The following SGCZ variants were observed in gnomAD, a reference collection of about 807,000 sequenced individuals.
SGCZ encodes the protein zeta-sarcoglycan.
Under a neutral mutation model 41.3 loss-of-function variants are expected in SGCZ, and 40 were observed. The observed-to-expected ratio is 0.97, with a 90% CI of 0.75 to 1.26. The LOEUF (loss-of-function observed/expected upper bound fraction) is 1.26. Ranked by LOEUF, SGCZ falls within the 50% of genes most tolerant of loss-of-function variation. SGCZ has a pLI of 0.00. For synonymous variants in SGCZ, 206 were observed against 137.5 expected (o/e 1.50, Z -3.49); for missense variants, 552 against 369.8 (o/e 1.49, Z -4.04).
chr8:15,057,802 T>A lies in SGCZ; in HGVS notation c.39+179783A>T, dbSNP rs186429235. Among the ~76,000 whole-genome samples, 6 of 152,320 alleles carry A rather than the reference T, an allele frequency of 3.9e-5. 1 individual carries two copies. Among genetic ancestry groups the A allele is most frequent in the East Asian group, 1.9e-4 (1 of 5,184 alleles). ...ATATTCAACTAAATGATTACAAATG[T>A]CCTTTCCAGCCCTAAAACGTTATGA... is the stretch of plus-strand genomic sequence containing the variant. On this transcript the variant is annotated intron_variant, in intron 1 of 7. Coordinates refer to ENST00000382080, the MANE Select transcript of SGCZ (RefSeq NM_139167.4).
At chr8:15,186,262 C>CAAAAAAAAAAAAA (rs61237091) in intron 1 of SGCZ, among the ~76,000 whole-genome samples, 31 of 80,710 alleles carry the variant, frequency 3.8e-4, no homozygotes, top group East Asian at 1.9e-3. Flanking sequence ...GATTCCGTAC[C>CAAAAAAAAAAAAA]AAAAAAAAAA....
intron 1 of SGCZ, among the ~76,000 whole-genome samples, chr8:14,612,157 G>T (rs1285887813): frequency 6.6e-6 from 1 of 152,068 alleles, no homozygotes; most frequent in Non-Finnish European, 1.5e-5. Flanking sequence ...AAAAGGTGTT[G>T]ATATGGTTTG....
At chr8:14,521,017 T>A (rs540733269) in intron 2 of SGCZ, among the ~76,000 whole-genome samples, 48 of 151,828 alleles carry the variant, frequency 3.2e-4, no homozygotes, top group South Asian at 1.9e-3. Flanking sequence ...TTATTTTAGA[T>A]TCCCATGCAG....
chr8:14,243,263 G>C (rs567324476), intron 3 of SGCZ, among the ~76,000 whole-genome samples: 1 of 152,238 alleles, frequency 6.6e-6, no homozygotes, highest in Non-Finnish European at 1.5e-5. Flanking sequence ...TCTTCTCAGG[G>C]ATGGAAATAT....
At chr8:14,865,670 T>A (rs2130690504) in intron 1 of SGCZ, among the ~76,000 whole-genome samples, 1 of 152,208 alleles carries the variant, frequency 6.6e-6, no homozygotes, top group African/African-American at 2.4e-5. Flanking sequence ...GGCCAACACA[T>A]CTGCATAAAG....
At chr8:15,025,497 T>A (rs1803421703) in intron 1 of SGCZ, among the ~76,000 whole-genome samples, 12 of 152,176 alleles carry the variant, frequency 7.9e-5, no homozygotes, top group Admixed American at 7.9e-4. Flanking sequence ...GTAAAGGTGA[T>A]AAAAGAGAGT....
intron 1 of SGCZ, among the ~76,000 whole-genome samples, chr8:14,776,389 G>A (rs1418413224): frequency 6.6e-6 from 1 of 151,968 alleles, no homozygotes; most frequent in South Asian, 2.1e-4. Context: ...ATGTAAGATG[G>A]GCCTTTGCTT....
chr8:14,258,684 T>C (rs1317799104), intron 3 of SGCZ, among the ~76,000 whole-genome samples: 1 of 152,182 alleles, frequency 6.6e-6, no homozygotes, highest in Non-Finnish European at 1.5e-5. Context: ...ACTGGATTAA[T>C]GTAATGGTCT....
intron 1 of SGCZ, among the ~76,000 whole-genome samples, chr8:15,065,415 A>AATTATTATTATTATT (rs200765691): frequency 2.9e-5 from 4 of 137,478 alleles, no homozygotes; most frequent in Non-Finnish European, 4.7e-5. Context: ...ATGGTATTGT[A>AATTATTATTATTATT]ATTATTATTA....
At chr8:14,316,495 C>A (rs1801718928) in intron 3 of SGCZ, among the ~76,000 whole-genome samples, 1 of 151,816 alleles carries the variant, frequency 6.6e-6, no homozygotes, top group Non-Finnish European at 1.5e-5. Flanking sequence ...TACATGATAA[C>A]AATTATGCCT....
At chr8:14,641,968 G>C (rs73521691) in intron 1 of SGCZ, among the ~76,000 whole-genome samples, 3 of 151,584 alleles carry the variant, frequency 2.0e-5, no homozygotes, top group African/African-American at 7.3e-5. Flanking sequence ...TCCTGAACAC[G>C]TATCTCTGCA....
At chr8:15,150,384 G>A (rs1356824447) in intron 1 of SGCZ, among the ~76,000 whole-genome samples, 1 of 152,128 alleles carries the variant, frequency 6.6e-6, no homozygotes, top group Non-Finnish European at 1.5e-5. Context: ...TTAATTAATT[G>A]ACCTCAGTTT....
chr8:14,679,521 CAT>C (rs1467306765), intron 1 of SGCZ, among the ~76,000 whole-genome samples: 2 of 148,356 alleles, frequency 1.3e-5, no homozygotes, highest in African/African-American at 2.5e-5. Context: ...TATATACACA[CAT>C]ATATGTGCTT....
At chr8:14,876,311 C>A in intron 1 of SGCZ, among the ~76,000 whole-genome samples, 1 of 152,080 alleles carries the variant, frequency 6.6e-6, no homozygotes, top group East Asian at 1.9e-4. Context: ...TAAATGAAAA[C>A]AACATAGCAT....
intron 1 of SGCZ, among the ~76,000 whole-genome samples, chr8:15,018,620 C>A (rs1803132523): frequency 6.6e-6 from 1 of 151,974 alleles, no homozygotes; most frequent in Admixed American, 6.6e-5. Flanking sequence ...AACTAGAGGG[C>A]TGGAATGCAG....
chr8:14,906,420 T>C (rs1344761755), intron 1 of SGCZ, among the ~76,000 whole-genome samples: 2 of 152,184 alleles, frequency 1.3e-5, no homozygotes, highest in African/African-American at 2.4e-5. Context: ...TCTGAACCAA[T>C]GGCTCTTAAA....
intron 1 of SGCZ, among the ~76,000 whole-genome samples, chr8:15,094,879 C>A (rs1222607142): frequency 6.6e-6 from 1 of 152,076 alleles, no homozygotes; most frequent in Non-Finnish European, 1.5e-5. Flanking sequence ...GTATGTTTCC[C>A]AAAGGCTCCC....
intron 2 of SGCZ, among the ~76,000 whole-genome samples, chr8:14,547,431 T>C (rs1348411357): frequency 6.6e-6 from 1 of 152,186 alleles, no homozygotes; most frequent in African/African-American, 2.4e-5. Flanking sequence ...AAACGCTTTT[T>C]ATATCTCAGC....
intron 1 of SGCZ, among the ~76,000 whole-genome samples, chr8:14,896,429 T>C (rs1805200141): frequency 1.4e-5 from 2 of 146,472 alleles, no homozygotes; most frequent in South Asian, 4.2e-4. Flanking sequence ...TGACTCATGA[T>C]GGAAGACTTT....
Sources: allele counts gnomAD v4.1 joint callset (sites outside exome capture counted in the v4.1 genomes callset), GRCh38; gene constraint gnomAD v4.1.1; transcripts MANE v1.5; gene names NCBI Gene and HGNC (gene_info 2026-07-23, HGNC 2026-07-21).